The following PRH1 variants were observed in gnomAD, a reference collection of about 807,000 sequenced individuals.
PRH1 encodes the protein salivary acidic proline-rich phosphoprotein 1/2.
Under a neutral mutation model 7.9 loss-of-function variants are expected in PRH1, and 7 were observed. The observed-to-expected ratio is 0.89, with a 90% CI of 0.50 to 1.67. PRH1 has a LOEUF of 1.67. Among genes scored for constraint, PRH1 ranks in the 40% most tolerant of loss-of-function variants. PRH1 has a pLI of 0.00. For synonymous variants in PRH1, 45 were observed against 80.8 expected, an observed-to-expected ratio of 0.56 and a Z score of 2.38; for missense variants, 109 against 223.6, an observed-to-expected ratio of 0.49 and a Z score of 3.27.
chr12:10,887,415 T>A (rs563569191), upstream of PRH1, among the ~76,000 whole-genome samples: 2 of 152,320 alleles, frequency 1.3e-5, no homozygotes, highest in Admixed American at 1.3e-4. Flanking sequence ...GTCTAAAAAG[T>A]TTGGTGACAC....
intron 1 of PRH1, among the ~76,000 whole-genome samples, chr12:11,148,953 A>G (rs1424436595): frequency 6.9e-6 from 1 of 144,734 alleles, no homozygotes; most frequent in African/African-American, 2.5e-5. Flanking sequence ...GATTATTGCC[A>G]CAATTTCAGA....
intron 2 of PRH1, chr12:10,939,223 G>A: frequency 7.0e-7 from 1 of 1,432,436 alleles, no homozygotes; most frequent in Non-Finnish European, 9.5e-7. Flanking sequence ...GTAAGAGCAT[G>A]CCCCAATGTC....
rs530001627 is a variant in PRH1 at position 11,150,591 on chromosome 12, G to A, written n.39+20831C>T. ...AAGGACAAAAAACCAAACACTGCAT[G>A]TTCTCACTCATAGGTGGGAATTGAA... On this transcript the variant is annotated intron_variant and non_coding_transcript_variant, in intron 1 of 1. Transcript: ENST00000541175. 2.0e-5 allele frequency among the ~76,000 whole-genome samples: 3 copies of A among 152,148 alleles called. No homozygotes were observed. The East Asian group carries it at 5.8e-4, about 29-fold the overall frequency.
intron 1 of PRH1, among the ~76,000 whole-genome samples, chr12:11,044,362 G>C (rs1457639569): frequency 6.6e-6 from 1 of 152,072 alleles, no homozygotes; most frequent in African/African-American, 2.4e-5. Flanking sequence ...AAACTCCCCA[G>C]GACATTGGTT....
intron 1 of PRH1, among the ~76,000 whole-genome samples, chr12:11,153,747 T>C (rs34536990): frequency 0.46 from 69,190 of 152,020 alleles, 16,552 homozygotes; most frequent in Non-Finnish European, 0.53. Flanking sequence ...CAAAATGTGA[T>C]ACAGGACAAA....
chr12:11,104,964 T>C (rs1339057080), intron 1 of PRH1, among the ~76,000 whole-genome samples: 1 of 151,868 alleles, frequency 6.6e-6, no homozygotes, highest in Non-Finnish European at 1.5e-5. Flanking sequence ...CTATTTCATA[T>C]ACACTTATTA....
chr12:10,887,642 C>T (rs541171761), upstream of PRH1, among the ~76,000 whole-genome samples: 29 of 151,684 alleles, frequency 1.9e-4, no homozygotes, highest in South Asian at 1.2e-3. Context: ...CTGCCTCAGC[C>T]TCCCAAGTAG....
chr12:11,111,962 A>G (rs1945601695), intron 1 of PRH1, among the ~76,000 whole-genome samples: 2 of 152,130 alleles, frequency 1.3e-5, no homozygotes, highest in Admixed American at 1.3e-4. Context: ...AAAAAATAAT[A>G]AAGGAGATAT....
At chr12:11,025,491 T>A (rs1307232165) in intron 1 of PRH1, among the ~76,000 whole-genome samples, 2 of 152,300 alleles carry the variant, frequency 1.3e-5, no homozygotes, top group African/African-American at 4.8e-5. Context: ...GATTTTCTAT[T>A]GGTCTTTTGC....
In PRH1 at chr12:11,055,338, G is replaced by A. The variant is rs79148365; in HGVS notation, n.124-8150C>T. 3.9e-4 allele frequency among the ~76,000 whole-genome samples: 21 copies of A among 53,726 alleles called. No homozygotes were observed. The East Asian group carries it at 0.018, about 46-fold the overall frequency. The allele number at this position is 53,726 out of a possible 152,430, so 35.2% of individuals were successfully genotyped here. ...CATTACTGTTATGGATAATAATGAT[G>A]AGTAGTAAACATACCATGTCTGAAT... On this transcript the variant is annotated intron_variant and non_coding_transcript_variant, in intron 1 of 4. Coordinates refer to the PRH1 transcript ENST00000541977.
intron 1 of PRH1, among the ~76,000 whole-genome samples, chr12:11,106,263 T>A (rs1945411772): frequency 1.3e-5 from 2 of 152,090 alleles, no homozygotes; most frequent in African/African-American, 4.8e-5. Context: ...AAGAAGCTCA[T>A]TAATACAAAC....
At chr12:10,929,317 C>G (rs1950168018) in intron 2 of PRH1, 2 of 1,613,972 alleles carry the variant, frequency 1.2e-6, no homozygotes, top group Admixed American at 1.7e-5. Context: ...GCCTTCAGCT[C>G]AGCTCAGGAC....
chr12:11,039,455 G>A (rs141684696), intron 1 of PRH1, among the ~76,000 whole-genome samples: 9 of 152,316 alleles, frequency 5.9e-5, no homozygotes, highest in South Asian at 4.1e-4. Context: ...TTTCCACATC[G>A]TTGTTGAAGT....
At chr12:10,984,885 C>A (rs1939526435) in intron 1 of PRH1, among the ~76,000 whole-genome samples, 2 of 151,688 alleles carry the variant, frequency 1.3e-5, no homozygotes, top group Admixed American at 1.3e-4. Context: ...ACATAGATTT[C>A]ATAGATGCCA....
At chr12:11,037,914 C>T (rs1306988590) in intron 1 of PRH1, among the ~76,000 whole-genome samples, 3 of 152,300 alleles carry the variant, frequency 2.0e-5, no homozygotes, top group South Asian at 2.1e-4. Context: ...TGGTGGTGCA[C>T]ACCTGTTGTC....
chr12:11,044,870 G>T (rs933903139), intron 1 of PRH1, among the ~76,000 whole-genome samples: 1 of 152,110 alleles, frequency 6.6e-6, no homozygotes, highest in Non-Finnish European at 1.5e-5. Flanking sequence ...ATATAAATTA[G>T]TAAAACCACT....
intron 2 of PRH1, among the ~76,000 whole-genome samples, chr12:10,918,935 C>T (rs10845243): frequency 0.5 from 75,292 of 151,828 alleles, 20,887 homozygotes; most frequent in East Asian, 0.72. Context: ...ATTTACCTTT[C>T]TATATTTATT....
At chr12:10,944,578 A>G (rs1194680267) in intron 2 of PRH1, among the ~76,000 whole-genome samples, 1 of 152,154 alleles carries the variant, frequency 6.6e-6, no homozygotes, top group Non-Finnish European at 1.5e-5. Flanking sequence ...TGCTCTGGCC[A>G]GGACTTCCAA....
At chr12:10,908,810 T>G (rs1438102758) in intron 2 of PRH1, 4 of 1,613,830 alleles carry the variant, frequency 2.5e-6, no homozygotes, top group Non-Finnish European at 3.4e-6. Flanking sequence ...AATTCCAAGT[T>G]GTGTTTCTTT....
Sources: allele counts gnomAD v4.1 joint callset (sites outside exome capture counted in the v4.1 genomes callset), GRCh38; gene constraint gnomAD v4.1.1; transcripts MANE v1.5; gene names NCBI Gene and HGNC (gene_info 2026-07-23, HGNC 2026-07-21).